Variants in SETX observed in about 807,000 individuals in gnomAD.
The protein encoded by SETX is senataxin, also known as helicase senataxin.
Under a neutral mutation model 227.2 loss-of-function variants are expected in SETX, and 90 were observed. The observed-to-expected ratio is 0.40, with a 90% CI of 0.33 to 0.47. SETX has a LOEUF of 0.47. Among genes scored for constraint, SETX ranks in the 20% least tolerant of loss-of-function variants. SETX has a pLI of 0.91. For missense variants in SETX, 3,052 were observed against 3,181.5 expected (o/e 0.96, Z 0.98); for synonymous variants, 1,210 against 1,113.2 (o/e 1.09, Z -1.73).
At chr9:132,274,567 G>A (rs1462215438) in intron 23 of SETX, among the ~76,000 whole-genome samples, 1 of 151,218 alleles carries the variant, frequency 6.6e-6, no homozygotes, top group Middle Eastern at 3.4e-3. Context: ...TCAGCCTTCC[G>A]AGTAGCAGGG....
In SETX at chr9:132,296,899, A is replaced by G. The variant is rs750644514; in HGVS notation, c.5937T>C (p.Arg1979=). The part of the protein sequence containing the change: ...KSKTIVGLLY[R]LLTENQRKGH... ...CACCCATACCTACCTCTGTCAGTAG[A>G]CGATAGAGGAGGCCAACAATAGTTT... Residue 1979 remains arginine, a synonymous_variant, in exon 14 of 26, where the codon CGT becomes CGC. Transcript: ENST00000224140. 2.5e-6 allele frequency: 4 copies of G among 1,614,112 alleles called. No individual in the cohort carries two copies. The East Asian group carries it at 6.7e-5, about 27-fold the overall frequency.
intron 2 of SETX, among the ~76,000 whole-genome samples, chr9:132,351,603 A>G (rs1848607590): frequency 1.3e-5 from 2 of 152,206 alleles, no homozygotes; most frequent in South Asian, 2.1e-4. Flanking sequence ...ACAAGAGAAC[A>G]TGTGCTTCCA....
Position 132,330,299 on chromosome 9 carries a change from A to G in SETX, c.1299T>C (p.Val433=). 6.2e-7 allele frequency: 1 copy of G among 1,604,018 alleles called. No homozygotes were observed. Among genetic ancestry groups the G allele is most frequent in the Non-Finnish European group, 8.5e-7 (1 of 1,173,198 alleles). The change falls in exon 10 of 26, where the codon GTT becomes GTC. Residue 433 remains valine (V), a synonymous_variant. Coordinates refer to ENST00000224140, the MANE Select transcript of SETX (RefSeq NM_015046.7). ...DLGVAYIAQV[V]NHLYSEVKEV... is the part of the protein sequence containing the mutation. ...CTTTGACTTCAGAGTACAGATGATT[A>G]ACAACCTGTGCTATGTAAGCCACAC...
At chr9:132,355,757 CGG>C (rs964962098), upstream of SETX, among the ~76,000 whole-genome samples, 3 of 152,214 alleles carry the variant, frequency 2.0e-5, no homozygotes, top group Non-Finnish European at 4.4e-5. Flanking sequence ...GAGGCCGAGG[CGG>C]GTGGATCACC....
chr9:132,335,376 G>GC (rs1320562208), intron 6 of SETX, among the ~76,000 whole-genome samples: 1 of 93,096 alleles, frequency 1.1e-5, no homozygotes, highest in Non-Finnish European at 1.9e-5. Flanking sequence ...GGGCGACAGA[G>GC]CAAGACTCCG....
chr9:132,287,790 ATG>A (rs1371217286), intron 17 of SETX, among the ~76,000 whole-genome samples: 2 of 152,132 alleles, frequency 1.3e-5, no homozygotes, highest in Non-Finnish European at 2.9e-5. Flanking sequence ...GCAGAAAGAA[ATG>A]TGTTAATCTG....
intron 24 of SETX, among the ~76,000 whole-genome samples, chr9:132,270,128 C>G (rs1842829238): frequency 2.0e-5 from 2 of 99,908 alleles, no homozygotes; most frequent in African/African-American, 4.4e-5. Flanking sequence ...CCGTGTGAGA[C>G]ACAGGTGGAC....
chr9:132,275,774 T>C (rs1843130046), intron 22 of SETX, among the ~76,000 whole-genome samples: 1 of 152,220 alleles, frequency 6.6e-6, no homozygotes, highest in African/African-American at 2.4e-5. Flanking sequence ...AGAACAAAGA[T>C]GTGAATAAGA....
chr9:132,297,958 C>A, intron 13 of SETX, 122 bp downstream of exon 13: 1 of 835,724 alleles, frequency 1.2e-6, no homozygotes, highest in Non-Finnish European at 2.0e-6. Context: ...AGAAAACTAA[C>A]ACTAAACTGT....
chr9:132,315,190 T>A (rs892963049), intron 10 of SETX, among the ~76,000 whole-genome samples: 5 of 152,190 alleles, frequency 3.3e-5, no homozygotes, highest in African/African-American at 9.7e-5. Flanking sequence ...GTGTTGGGAT[T>A]ACAGGCGTGA....
chr9:132,331,125 G>C lies in SETX; in HGVS notation c.1025C>G (p.Pro342Arg). Residue 342 changes from proline to arginine, a missense_variant, in exon 9 of 26, where the codon CCG becomes CGG. By Grantham distance (103) the Pro-to-Arg change is moderately radical. Transcript: ENST00000224140. ...CACCATATCATCCAAATAGGACTCC[G>C]GTTCTAACTTGGTCCTTAAATATTA... The part of the protein sequence containing the change: ...RNSSVRTKLE[P>R]ESYLDDMVTC... 1 of 1,613,332 alleles carries C rather than the reference G, an allele frequency of 6.2e-7. No individual in the cohort carries two copies.
chr9:132,315,487 T>C (rs1158859018), intron 10 of SETX, among the ~76,000 whole-genome samples: 3 of 152,224 alleles, frequency 2.0e-5, no homozygotes. Context: ...AATTTCTTCC[T>C]GCCCATTGCT....
Position 132,264,819 on chromosome 9 carries a change from C to A in SETX, c.7454G>T (p.Arg2485Ile). The A allele has an allele frequency of 6.2e-7, 1 of 1,614,208 alleles. No homozygotes were observed. The highest frequency in any genetic ancestry group is 8.5e-7 in the Non-Finnish European group (1 of 1,180,040). The change falls in exon 26 of 26, where the codon AGA (arginine) becomes ATA (isoleucine). Residue 2485 changes from arginine (R) to isoleucine (I), a missense_variant. This residue lies in a region of SETX where 294 missense variants were observed against 278.8 expected (regional missense o/e 1.05). Transcript: ENST00000224140. ...GCTGCTGGGCAAACCACCCTGGGGT[C>A]TGGACCCCTCTGGGGCTATGGTAGG... ...HPPTIAPEGS[R>I]PQGGLPSSKL...
chr9:132,284,054 A>T (rs1366752167), intron 18 of SETX, among the ~76,000 whole-genome samples: 3 of 152,182 alleles, frequency 2.0e-5, no homozygotes, highest in African/African-American at 7.2e-5. Flanking sequence ...TGCTACTAAG[A>T]AGTAGTGGTG....
chr9:132,321,457 C>T (rs1360986744), intron 10 of SETX, among the ~76,000 whole-genome samples: 5 of 152,046 alleles, frequency 3.3e-5, no homozygotes, highest in Non-Finnish European at 5.9e-5. Flanking sequence ...GAGATCGAGA[C>T]CATCCTGGCC....
At position 132,336,510 on chromosome 9, in the gene SETX, C is replaced by T. The variant is rs1340323901; in HGVS notation, c.504G>A (p.Arg168=). ...LFLVHPNEMV[R]RWAILTARNL... ...TTCTTGCAGTCAAGATAGCCCAACG[C>T]CGAACCTAAATGCAGAATATATTTA... Residue 168 remains arginine (R), a synonymous_variant, in exon 6 of 26, where the codon CGG becomes CGA. Coordinates refer to ENST00000224140, the MANE Select transcript of SETX (RefSeq NM_015046.7). 1.2e-6 allele frequency: 2 copies of T among 1,610,088 alleles called. No individual in the cohort carries two copies. Among genetic ancestry groups the T allele is most frequent in the East Asian group, 2.2e-5 (1 of 44,866 alleles).
chr9:132,331,701 A>C lies in SETX; in HGVS notation c.839-253T>G, dbSNP rs1348644941. The stretch of plus-strand genomic sequence containing the variant: ...AAAAAAAAAAAATTTAGTGGCAAAC[A>C]AATTACTTAATGGGCAAGAAAACAG... On this transcript the variant is annotated intron_variant, in intron 7 of 25. Transcript: ENST00000224140. Among the ~76,000 whole-genome samples, 3 of 152,120 alleles carry C rather than the reference A, an allele frequency of 2.0e-5. No individual in the cohort carries two copies. In the South Asian group the frequency reaches 6.2e-4, roughly 32 times the overall value.
chr9:132,335,205 A>G (rs181063949), intron 6 of SETX, among the ~76,000 whole-genome samples: 1,664 of 151,826 alleles, frequency 0.011, 41 homozygotes, highest in Admixed American at 0.044. Flanking sequence ...CCTGGCTAAC[A>G]TGGTGAAACC....
rs1396969367 is a variant in SETX, at chr9:132,264,234, C to T, written c.*5G>A. On this transcript the variant is annotated 3_prime_UTR_variant, in exon 26 of 26. Transcript: ENST00000224140. ...GTGGCTGCTGGCCCATGTCACTGGG[C>T]TTTCCTATAAAAGCTTTCTTTTCTT... is the stretch of plus-strand genomic sequence containing the variant. 6 of 1,614,002 alleles carry T rather than the reference C, an allele frequency of 3.7e-6. No homozygotes were observed. The East Asian group carries it at 8.9e-5, about 24-fold the overall frequency.
Sources: allele counts gnomAD v4.1 joint callset (sites outside exome capture counted in the v4.1 genomes callset), GRCh38; gene constraint gnomAD v4.1.1; regional missense constraint gnomAD v4.1.1; transcripts MANE v1.5; gene names NCBI Gene and HGNC (gene_info 2026-07-23, HGNC 2026-07-21).